Variants in CMYA5 observed in about 807,000 individuals in gnomAD.
CMYA5 encodes the protein cardiomyopathy associated 5.
Under a neutral mutation model 318.9 loss-of-function variants are expected in CMYA5, and 246 were observed. The ratio of observed to expected loss-of-function variants is 0.77; its 90% confidence interval spans 0.70 to 0.86. The LOEUF (loss-of-function observed/expected upper bound fraction) is 0.86, where lower values mean the gene tolerates loss of function less well. Among genes scored for constraint, CMYA5 ranks in the 40% least tolerant of loss-of-function variants. The probability of loss-of-function intolerance (pLI) is 0.00; values close to 1 mark genes in which losing one functional copy is unlikely to be tolerated. For missense variants in CMYA5, 4,589 were observed against 4,678.2 expected (o/e 0.98, Z 0.56); for synonymous variants, 1,641 against 1,729.5 (o/e 0.95, Z 1.27).
intron 1 of CMYA5, 24 bp downstream of exon 1, chr5:79,690,080 C>T (rs947440076): frequency 2.1e-6 from 3 of 1,406,938 alleles, no homozygotes; most frequent in Non-Finnish European, 2.8e-6. Flanking sequence ...CTCTCCTCGG[C>T]CCAGGGCCTG....
Position 79,799,871 on chromosome 5 carries a change from A to ATGGC in CMYA5, c.*255_*256insTGGC. ...ATAAGTTTGAGTTCTTTCCTAAATT[A>ATGGC]AAAGATCTACACTTGAGTTGGGAAC... On this transcript the variant is annotated 3_prime_UTR_variant, in exon 13 of 13. Coordinates refer to ENST00000446378, the MANE Select transcript of CMYA5 (RefSeq NM_153610.5). The ATGGC allele has an allele frequency of 5.4e-6, 1 of 186,860 alleles. No individual in the cohort carries two copies. Among genetic ancestry groups the ATGGC allele is most frequent in the South Asian group, 1.3e-4 (1 of 7,606 alleles). 11.6% of individuals were successfully genotyped at this position (186,860 alleles called of 1,614,324 possible).
Position 79,730,478 on chromosome 5 carries a change from T to A in CMYA5, c.1713T>A (p.Ser571=), listed in dbSNP as rs751583591. The A allele has an allele frequency of 6.2e-7, 1 of 1,613,912 alleles. No homozygotes were observed. The highest frequency in any genetic ancestry group is 8.5e-7 in the Non-Finnish European group (1 of 1,179,880). ...TTCTACCATTATTGGCAGCATCATC[T>A]CCTGAACATGTTGCTTTGTCTGAGG... The part of the protein sequence containing the change: ...ELILPLLAAS[S]PEHVALSEEE... Residue 571 remains serine, a synonymous_variant, in exon 2 of 13, where the codon TCT becomes TCA. Transcript: ENST00000446378.
At chr5:79,765,975 T>A (rs193152696) in intron 9 of CMYA5, among the ~76,000 whole-genome samples, 44 of 152,366 alleles carry the variant, frequency 2.9e-4, no homozygotes, top group African/African-American at 1.0e-3. Context: ...TTTGAATACC[T>A]TTTTTTCTTT....
In CMYA5 at chr5:79,758,944, T is replaced by C. The variant is rs754761327; in HGVS notation, c.11260+42T>C. 19 of 1,455,090 alleles carry C rather than the reference T, an allele frequency of 1.3e-5. No homozygotes were observed. In the African/African-American group the frequency reaches 2.0e-4, roughly 15 times the overall value. The allele number at this position is 1,455,090 out of a possible 1,614,324, so 90.1% of individuals were successfully genotyped here. ...AAATACAAATGCATATGCATATTCA[T>C]GCATCTTCATGTGAAGTATTTAAAT... On this transcript the variant is annotated intron_variant, in intron 7 of 12. Transcript: ENST00000446378.
intron 1 of CMYA5, among the ~76,000 whole-genome samples, chr5:79,693,604 A>G (rs554875562): frequency 6.6e-6 from 1 of 152,234 alleles, no homozygotes; most frequent in South Asian, 2.1e-4. Flanking sequence ...CAGCCTCCCA[A>G]AATCCTGGGA....
At chr5:79,749,464 A>G (rs1395621128) in intron 5 of CMYA5, among the ~76,000 whole-genome samples, 2 of 152,318 alleles carry the variant, frequency 1.3e-5, no homozygotes, top group East Asian at 3.9e-4. Flanking sequence ...GTGCAGGTCC[A>G]CTGATATGTG....
chr5:79,761,716 C>A, intron 7 of CMYA5, 95 bp from the exon 8 acceptor site: 1 of 1,355,540 alleles, frequency 7.4e-7, no homozygotes, highest in Non-Finnish European at 1.0e-6. Flanking sequence ...TTTGCATTTT[C>A]CACTGAAAGA....
intron 12 of CMYA5, among the ~76,000 whole-genome samples, chr5:79,794,254 A>G (rs1399335407): frequency 6.6e-6 from 1 of 152,250 alleles, no homozygotes; most frequent in Non-Finnish European, 1.5e-5. Flanking sequence ...GTATTACACT[A>G]CAGTGGCAGA....
Position 79,736,129 on chromosome 5 carries a change from A to C in CMYA5, c.7364A>C (p.Glu2455Ala). ...ETKLRSVSPTEKKDNLENRSY... is the reference protein window; with the variant it reads ...ETKLRSVSPTAKKDNLENRSY... ...AAACTCAGGTCTGTTAGTCCAACTG[A>C]GAAGAAAGATAATTTGGAAAACAGA... Residue 2455 changes from glutamate to alanine, a missense_variant, in exon 2 of 13, where the codon GAG becomes GCG. By Grantham distance (107) the Glu-to-Ala change is moderately radical. Transcript: ENST00000446378. The C allele has an allele frequency of 6.2e-7, 1 of 1,613,734 alleles. No individual in the cohort carries two copies. The highest frequency in any genetic ancestry group is 2.2e-5 in the East Asian group (1 of 44,868).
intron 1 of CMYA5, among the ~76,000 whole-genome samples, chr5:79,695,161 AACCAAATTCCCCTTCCT>A (rs1827043650): frequency 6.6e-6 from 1 of 152,204 alleles, no homozygotes; most frequent in Non-Finnish European, 1.5e-5. Flanking sequence ...TTAGTCATTA[AACCAAATTCCCCTTCCT>A]ACCAACATGA....
chr5:79,733,797 A>G lies in CMYA5; in HGVS notation c.5032A>G (p.Ser1678Gly). ...AGAAAAAGGCCCAGCTGAGCTTAGG[A>G]GCAGAGAAGGAAAAGAAGAAAATAG... is the stretch of plus-strand genomic sequence containing the variant. The part of the protein sequence containing the change: ...VLEKGPAELR[S>G]REGKEENREL... Residue 1678 changes from serine (S) to glycine (G), a missense_variant, in exon 2 of 13, where the codon AGC becomes GGC. Physicochemically the swap from Ser to Gly is moderately conservative, Grantham distance 56. Transcript: ENST00000446378. 6.2e-7 allele frequency: 1 copy of G among 1,613,744 alleles called. No homozygotes were observed. Among genetic ancestry groups the G allele is most frequent in the Non-Finnish European group, 8.5e-7 (1 of 1,179,812 alleles).
intron 1 of CMYA5, among the ~76,000 whole-genome samples, chr5:79,718,899 A>G (rs1272420746): frequency 6.6e-6 from 1 of 152,192 alleles, no homozygotes; most frequent in Non-Finnish European, 1.5e-5. Flanking sequence ...CCTAGGAGCA[A>G]TAGGCTATAC....
Position 79,729,130 on chromosome 5 carries a change from C to T in CMYA5, c.365C>T (p.Ser122Phe). 1 of 1,613,220 alleles carries T rather than the reference C, an allele frequency of 6.2e-7. No homozygotes were observed. The highest frequency in any genetic ancestry group is 1.3e-5 in the African/African-American group (1 of 74,966). The change falls in exon 2 of 13, where the codon TCC becomes TTC. Residue 122 changes from serine to phenylalanine, a missense_variant. Physicochemically the swap from Ser to Phe is radical, Grantham distance 155. This residue lies in a region of CMYA5 where 2,132 missense variants were observed against 2,131.3 expected (regional missense o/e 1.00). Coordinates refer to ENST00000446378, the MANE Select transcript of CMYA5 (RefSeq NM_153610.5). Reference protein sequence around the residue: ...STVNSPPGNVSFIVDEVKKVR... With the variant: ...STVNSPPGNVFFIVDEVKKVR... Reference sequence around the variant, plus strand: ...GTGAATTCTCCTCCTGGAAATGTTTCCTTTATTGTGGATGAAGTGAAAAAG... The same window carrying T: ...GTGAATTCTCCTCCTGGAAATGTTTTCTTTATTGTGGATGAAGTGAAAAAG...
chr5:79,786,632 A>C (rs1829086263), intron 9 of CMYA5, among the ~76,000 whole-genome samples: 1 of 152,220 alleles, frequency 6.6e-6, no homozygotes, highest in Non-Finnish European at 1.5e-5. Context: ...TAAAAAAATC[A>C]TAATCTCTGG....
chr5:79,788,342 G>A (rs1829117119), intron 9 of CMYA5, among the ~76,000 whole-genome samples: 1 of 151,982 alleles, frequency 6.6e-6, no homozygotes, highest in Non-Finnish European at 1.5e-5. Flanking sequence ...AATCCAGCAA[G>A]TCCATTTGTA....
intron 1 of CMYA5, among the ~76,000 whole-genome samples, chr5:79,690,579 A>G (rs548301306): frequency 2.5e-4 from 38 of 152,270 alleles, no homozygotes; most frequent in Non-Finnish European, 3.8e-4. Context: ...CTGTTCTTCA[A>G]GTCCTGGTCC....
intron 1 of CMYA5, among the ~76,000 whole-genome samples, chr5:79,711,807 A>T (rs553012197): frequency 1.9e-4 from 29 of 152,292 alleles, no homozygotes; most frequent in Non-Finnish European, 3.4e-4. Context: ...ATAATGATTA[A>T]TTTTTCTTGA....
chr5:79,778,900 AT>A (rs201686318), intron 9 of CMYA5, among the ~76,000 whole-genome samples: 10,510 of 93,592 alleles, frequency 0.11, 664 homozygotes, highest in East Asian at 0.44. Flanking sequence ...ATTTATTTTT[AT>A]TTTTTTTTTT....
rs75517419 is a variant in CMYA5 at position 79,761,687 on chromosome 5, G to A, written c.11261-124G>A. The A allele has an allele frequency of 3.9e-3, 3,768 of 958,690 alleles. 118 individuals are homozygous for A. The African/African-American group carries it at 0.056, about 14-fold the overall frequency. The allele number at this position is 958,690 out of a possible 1,614,324, so 59.4% of individuals were successfully genotyped here. A position where few individuals can be genotyped will look rare whatever the true frequency, so the allele number is the denominator to read the frequency against. On this transcript the variant is annotated intron_variant, in intron 7 of 12. Coordinates refer to ENST00000446378, the MANE Select transcript of CMYA5 (RefSeq NM_153610.5). The stretch of plus-strand genomic sequence containing the variant: ...CTAAGGAGCTGGTTTTCACATAATG[G>A]TATCTGTAAGGTTATCAGTTTGCAT...
Sources: allele counts gnomAD v4.1 joint callset (sites outside exome capture counted in the v4.1 genomes callset), GRCh38; gene constraint gnomAD v4.1.1; regional missense constraint gnomAD v4.1.1; transcripts MANE v1.5; gene names NCBI Gene and HGNC (gene_info 2026-07-23, HGNC 2026-07-21).